The following RS1 variants were observed in gnomAD, a reference collection of about 807,000 sequenced individuals.
RS1 encodes retinoschisin 1, also known as retinoschisin.
A neutral mutation model predicts 20.8 loss-of-function variants in RS1; 2 were observed. The observed-to-expected ratio is 0.10, with a 90% CI of 0.04 to 0.30. The LOEUF is 0.30. Among genes scored for constraint, RS1 ranks in the 10% least tolerant of loss-of-function variants. The pLI is 1.00. For synonymous variants in RS1, 70 were observed against 75.8 expected (o/e 0.92, Z 0.40); for missense variants, 151 against 189.8 (o/e 0.80, Z 1.20).
chrX:18,653,043 T>C (rs1440612280), intron 3 of RS1, among the ~76,000 whole-genome samples: 1 of 112,406 alleles, frequency 8.9e-6, no homozygotes, highest in Non-Finnish European at 1.9e-5. Flanking sequence ...GTGTTATGCA[T>C]AGATATTAGA....
chrX:18,651,532 G>T (rs143868987), intron 3 of RS1, among the ~76,000 whole-genome samples: 1 of 110,976 alleles, frequency 9.0e-6, no homozygotes, highest in African/African-American at 3.3e-5. Flanking sequence ...CTCTGGGCAC[G>T]CTCAGAAAAC....
At chrX:18,655,986 C>CTTTTTT (rs56213978) in intron 3 of RS1, among the ~76,000 whole-genome samples, 19 of 50,815 alleles carry the variant, frequency 3.7e-4, no homozygotes, top group East Asian at 4.6e-4. Context: ...TTTTCTTTTC[C>CTTTTTT]TTTTTTTTTT....
chrX:18,641,851 A>T lies in RS1; in HGVS notation c.*153T>A. ...TTTATTTCATTGAAATCAGAAAGCT[A>T]TATCTTAAAAAAAAAAAAATTATCT... On this transcript the variant is annotated 3_prime_UTR_variant, in exon 6 of 6. Transcript: ENST00000379984. 1 of 498,006 alleles carries T rather than the reference A, an allele frequency of 2.0e-6. No homozygotes were observed. Among genetic ancestry groups the T allele is most frequent in the African/African-American group, 2.5e-5 (1 of 39,596 alleles). The allele number at this position is 498,006 out of a possible 1,213,427, so 41.0% of individuals were successfully genotyped here.
chrX:18,657,286 T>TCTCAG (rs1314295903), intron 2 of RS1, among the ~76,000 whole-genome samples: 1 of 96,772 alleles, frequency 1.0e-5, no homozygotes, highest in Admixed American at 1.2e-4. Flanking sequence ...AGTGGTGTGA[T>TCTCAG]CTCAGCTCAC....
At chrX:18,651,194 G>A (rs1265483487) in intron 3 of RS1, among the ~76,000 whole-genome samples, 1 of 90,024 alleles carries the variant, frequency 1.1e-5, no homozygotes, top group South Asian at 6.3e-4. Flanking sequence ...GAATGGTTTC[G>A]GCTGTCCTTG....
At chrX:18,661,232 G>C (rs940750810) in intron 1 of RS1, among the ~76,000 whole-genome samples, 4 of 111,584 alleles carry the variant, frequency 3.6e-5, no homozygotes, top group African/African-American at 1.3e-4. Flanking sequence ...GTGTAAAAGA[G>C]ACTCCAGGGA....
At chrX:18,651,132 C>G (rs1299895622) in intron 3 of RS1, among the ~76,000 whole-genome samples, 1 of 101,161 alleles carries the variant, frequency 9.9e-6, no homozygotes, top group Non-Finnish European at 2.0e-5. Context: ...CCCCCACCAC[C>G]GCACCCCCCG....
At chrX:18,655,558 A>G (rs1403969002) in intron 3 of RS1, among the ~76,000 whole-genome samples, 1 of 111,907 alleles carries the variant, frequency 8.9e-6, no homozygotes, top group Non-Finnish European at 1.9e-5. Flanking sequence ...CAACTGGTCT[A>G]CCGTGGGTAG....
In RS1 at chrX:18,639,694, A is replaced by G. The variant is rs979816011; in HGVS notation, c.*2310T>C. ...CACACATCCGCACAAAAACTTATAC[A>G]CAAATGTTCATAGCAGCATTATTCA... On this transcript the variant is annotated 3_prime_UTR_variant, in exon 6 of 6. Transcript: ENST00000379984. 3.6e-5 allele frequency among the ~76,000 whole-genome samples: 4 copies of G among 112,422 alleles called. No individual in the cohort carries two copies. Among genetic ancestry groups the G allele is most frequent in the Non-Finnish European group, 5.6e-5 (3 of 53,325 alleles).
At chrX:18,669,767 T>C (rs1928462935) in intron 1 of RS1, among the ~76,000 whole-genome samples, 1 of 112,097 alleles carries the variant, frequency 8.9e-6, no homozygotes, top group Admixed American at 9.5e-5. Context: ...AGTGATTGTG[T>C]CCTCTGTCCC....
At chrX:18,669,953 C>T (rs1928466215) in intron 1 of RS1, among the ~76,000 whole-genome samples, 1 of 111,913 alleles carries the variant, frequency 8.9e-6, no homozygotes, top group Non-Finnish European at 1.9e-5. Flanking sequence ...CCTGGAGAGA[C>T]GATGTTCTCT....
chrX:18,666,893 G>A (rs1435213337), intron 1 of RS1, among the ~76,000 whole-genome samples: 7 of 110,593 alleles, frequency 6.3e-5, no homozygotes, highest in Non-Finnish European at 9.5e-5. Context: ...AGGTTTCAGC[G>A]AAGACAAGGG....
chrX:18,648,808 G>C (rs1927901599), intron 3 of RS1, among the ~76,000 whole-genome samples: 1 of 111,347 alleles, frequency 9.0e-6, no homozygotes, highest in African/African-American at 3.3e-5. Context: ...GAACTGCAGA[G>C]GCTGAGTGCA....
At chrX:18,644,281 G>C in intron 5 of RS1, 149 bp downstream of exon 5, 1 of 566,876 alleles carries the variant, frequency 1.8e-6, no homozygotes, top group Non-Finnish European at 3.1e-6. Context: ...CCAGGAAAGA[G>C]AGCACAGCAC....
chrX:18,647,074 G>T, intron 4 of RS1, 117 bp downstream of exon 4: 1 of 842,908 alleles, frequency 1.2e-6, no homozygotes, highest in Non-Finnish European at 1.7e-6. Context: ...GTGCCACCAC[G>T]CCAGTTAATT....
At chrX:18,657,722 C>T (rs1397246971) in intron 1 of RS1, 57 bp from the exon 2 acceptor site, 1 of 944,050 alleles carries the variant, frequency 1.1e-6, no homozygotes, top group African/African-American at 1.9e-5. Context: ...AATCCAACAG[C>T]ATCACTCGTT....
At position 18,656,585 on chromosome X, in the gene RS1, G is replaced by A. The variant is rs1928218179; in HGVS notation, c.184+68C>T. ...GCGTTCAGGGGGTTAATTCAGCTGA[G>A]TGGGAAAAAGGAAGAGAAATGGGGT... On this transcript the variant is annotated intron_variant, in intron 3 of 5. Coordinates refer to ENST00000379984, the MANE Select transcript of RS1 (RefSeq NM_000330.4). 4 of 858,543 alleles carry A rather than the reference G, an allele frequency of 4.7e-6. No homozygotes were observed. In the Admixed American group the frequency reaches 6.6e-5, roughly 14 times the overall value. 70.8% of individuals were successfully genotyped at this position (858,543 alleles called of 1,213,427 possible). A position where few individuals can be genotyped will look rare whatever the true frequency, so the allele number is the denominator to read the frequency against.
At chrX:18,652,147 G>A (rs1424386623) in intron 3 of RS1, among the ~76,000 whole-genome samples, 1 of 111,008 alleles carries the variant, frequency 9.0e-6, no homozygotes, top group African/African-American at 3.3e-5. Flanking sequence ...CAGGTGCTGG[G>A]CACTCTCTAG....
intron 2 of RS1, 85 bp downstream of exon 2, chrX:18,657,554 AG>A (rs1179071466): frequency 2.9e-5 from 21 of 733,591 alleles, no homozygotes; most frequent in Non-Finnish European, 4.5e-5. Context: ...TTAAAAACAA[AG>A]TGATAGTCCT....
Sources: allele counts gnomAD v4.1 joint callset (sites outside exome capture counted in the v4.1 genomes callset), GRCh38; gene constraint gnomAD v4.1.1; transcripts MANE v1.5; gene names NCBI Gene and HGNC (gene_info 2026-07-23, HGNC 2026-07-21).